Variants in ODAD2 observed in about 807,000 individuals in gnomAD.
The protein encoded by ODAD2 is outer dynein arm docking complex subunit 2.
ODAD2 carries 89 observed loss-of-function variants against 106.8 expected under a neutral mutation model. That is an observed-to-expected ratio of 0.83 (90% CI 0.70 to 0.99). The LOEUF is 0.99. Ranked by LOEUF, ODAD2 falls within the 50% of genes least tolerant of loss-of-function variation. The pLI, the probability that ODAD2 is intolerant of heterozygous loss-of-function variation, is 0.00. For synonymous variants in ODAD2, 404 were observed against 436.2 expected (o/e 0.93, Z 0.92); for missense variants, 1,168 against 1,238.5 (o/e 0.94, Z 0.85).
At chr10:27,912,583 T>C (rs1844086342) in intron 16 of ODAD2, among the ~76,000 whole-genome samples, 1 of 152,104 alleles carries the variant, frequency 6.6e-6, no homozygotes, top group Non-Finnish European at 1.5e-5. Flanking sequence ...GGCAAGGTTG[T>C]AGGGTTTCTT....
chr10:27,941,780 G>A (rs1254376803), intron 12 of ODAD2, among the ~76,000 whole-genome samples: 1 of 151,990 alleles, frequency 6.6e-6, no homozygotes, highest in Non-Finnish European at 1.5e-5. Context: ...TGGGGCTTGG[G>A]AGCCATCATC....
At chr10:27,965,240 G>A (rs1432092848) in intron 9 of ODAD2, among the ~76,000 whole-genome samples, 2 of 152,206 alleles carry the variant, frequency 1.3e-5, no homozygotes, top group Non-Finnish European at 1.5e-5. Flanking sequence ...GGTCTAATCT[G>A]AAGAGTAAGG....
intron 19 of ODAD2, among the ~76,000 whole-genome samples, chr10:27,853,912 A>C (rs992517777): frequency 2.0e-5 from 3 of 152,246 alleles, no homozygotes; most frequent in Non-Finnish European, 4.4e-5. Context: ...CACCAGCGTT[A>C]AAAACTTCTG....
chr10:27,819,622 G>C (rs904048155), intron 19 of ODAD2, among the ~76,000 whole-genome samples: 1 of 149,456 alleles, frequency 6.7e-6, no homozygotes. Context: ...CATAGGTGTG[G>C]TCACGTGCGC....
chr10:27,932,397 T>C (rs1227472745), intron 16 of ODAD2, among the ~76,000 whole-genome samples: 1 of 152,208 alleles, frequency 6.6e-6, no homozygotes, highest in Non-Finnish European at 1.5e-5. Flanking sequence ...CACCATCAAA[T>C]ATTAAAAATT....
chr10:27,867,348 T>C (rs1354457790), intron 17 of ODAD2, among the ~76,000 whole-genome samples: 1 of 152,162 alleles, frequency 6.6e-6, no homozygotes, highest in Non-Finnish European at 1.5e-5. Context: ...AGTCTGATGG[T>C]GCTGGGGTGT....
chr10:27,907,660 T>C lies in ODAD2; in HGVS notation c.2610+3A>G. ...AAGAGACTGACTTGCAGTCCGTTCT[T>C]ACCTTTGCATTTTTGATGCATGGAC... On this transcript the variant is annotated splice_donor_region_variant and intron_variant, in intron 17 of 19. Transcript: ENST00000305242. 1 of 1,609,194 alleles carries C rather than the reference T, an allele frequency of 6.2e-7. No homozygotes were observed. Among genetic ancestry groups the C allele is most frequent in the Non-Finnish European group, 8.5e-7 (1 of 1,175,708 alleles).
chr10:27,898,452 A>G (rs1164032346), intron 17 of ODAD2, among the ~76,000 whole-genome samples: 1 of 152,130 alleles, frequency 6.6e-6, no homozygotes, highest in African/African-American at 2.4e-5. Flanking sequence ...TTCTGAAGTC[A>G]GTTCTGCTAG....
At chr10:27,836,946 T>A (rs887246675) in intron 19 of ODAD2, among the ~76,000 whole-genome samples, 14 of 152,154 alleles carry the variant, frequency 9.2e-5, no homozygotes, top group Non-Finnish European at 1.2e-4. Flanking sequence ...AAGATATAAA[T>A]CAGGATTTTC....
At position 27,931,959 on chromosome 10, in the gene ODAD2, A is replaced by G. The variant is rs115105495; in HGVS notation, c.2495+3051T>C. 3.6e-3 allele frequency among the ~76,000 whole-genome samples: 555 copies of G among 152,080 alleles called. 6 individuals are homozygous for G. The highest frequency in any genetic ancestry group is 0.012 in the African/African-American group (518 of 41,476). On this transcript the variant is annotated intron_variant, in intron 16 of 19. Transcript: ENST00000305242. ...AAAGTGCATTTAATATACCTAACCT[A>G]CTGAACATCATAGCTTAGACTAGCC... is the stretch of plus-strand genomic sequence containing the variant.
chr10:27,922,198 GAA>G (rs892266756), intron 16 of ODAD2, among the ~76,000 whole-genome samples: 17 of 148,256 alleles, frequency 1.1e-4, no homozygotes, highest in Admixed American at 1.1e-3. Flanking sequence ...AAGAAAAAAA[GAA>G]AAGAAAACAA....
rs142857852 is a variant in ODAD2, at chr10:27,895,111, T to A, written c.2610+12552A>T. Among the ~76,000 whole-genome samples, 702 of 152,118 alleles carry A rather than the reference T, an allele frequency of 4.6e-3. 4 individuals are homozygous for A. Among genetic ancestry groups the A allele is most frequent in the African/African-American group, 0.01 (415 of 41,492 alleles). ...GTGCTAAAATTACAGGTGATTTTTT[T>A]AATTTGCTTTTCTTTAGTTTCTAAA... On this transcript the variant is annotated intron_variant, in intron 17 of 19. Transcript: ENST00000305242.
intron 7 of ODAD2, among the ~76,000 whole-genome samples, chr10:27,980,334 T>C (rs1443648070): frequency 4.6e-5 from 7 of 152,094 alleles, no homozygotes; most frequent in African/African-American, 1.7e-4. Flanking sequence ...AATAGGTAAA[T>C]TAGGCTTCGT....
At chr10:27,907,129 A>C (rs1471287123) in intron 17 of ODAD2, among the ~76,000 whole-genome samples, 1 of 152,232 alleles carries the variant, frequency 6.6e-6, no homozygotes, top group Non-Finnish European at 1.5e-5. Context: ...CTTCAAAGAA[A>C]ATAACAAAAT....
At chr10:27,963,602 T>C (rs2132876587) in intron 9 of ODAD2, among the ~76,000 whole-genome samples, 1 of 152,316 alleles carries the variant, frequency 6.6e-6, no homozygotes, top group African/African-American at 2.4e-5. Flanking sequence ...TTCCCCCCAC[T>C]GGACTTAACT....
chr10:27,998,287 A>G (rs1850674946), intron 1 of ODAD2, among the ~76,000 whole-genome samples: 1 of 152,198 alleles, frequency 6.6e-6, no homozygotes, highest in Admixed American at 6.5e-5. Flanking sequence ...ACAGGGCCCT[A>G]AGTAAAACCA....
intron 14 of ODAD2, among the ~76,000 whole-genome samples, chr10:27,939,605 G>A (rs561021713): frequency 4.1e-4 from 63 of 152,098 alleles, no homozygotes; most frequent in Admixed American, 2.1e-3. Context: ...AGGCATGGTG[G>A]TAAACACCTG....
In ODAD2 at chr10:27,995,024, C is replaced by T. The variant is rs1323499952; in HGVS notation, c.119G>A (p.Ser40Asn). The part of the protein sequence containing the change: ...ILKEIIVFVE[S>N]FIYKHPQEAK... ...CTCTTGAGGATGTTTATAGATAAAA[C>T]TCTCCACAAACACAATAATTTCTTT... Residue 40 changes from serine (S) to asparagine (N), a missense_variant, in exon 2 of 20, where the codon AGT becomes AAT. Physicochemically the swap from Ser to Asn is conservative, Grantham distance 46. This residue lies in a region of ODAD2 where 430 missense variants were observed against 452.2 expected (regional missense o/e 0.95). Coordinates refer to ENST00000305242, the MANE Select transcript of ODAD2 (RefSeq NM_018076.5). The T allele has an allele frequency of 6.2e-7, 1 of 1,614,148 alleles. No individual in the cohort carries two copies. Among genetic ancestry groups the T allele is most frequent in the Non-Finnish European group, 8.5e-7 (1 of 1,180,016 alleles).
At chr10:27,970,057 G>C (rs1322387475) in intron 8 of ODAD2, among the ~76,000 whole-genome samples, 1 of 151,878 alleles carries the variant, frequency 6.6e-6, no homozygotes, top group Non-Finnish European at 1.5e-5. Context: ...AGTGAGCCAA[G>C]TTTGTGCCAC....
Sources: gnomAD v4.1 joint callset for allele counts (sites outside exome capture counted in the v4.1 genomes callset) on GRCh38, gnomAD v4.1.1 for gene constraint, gnomAD v4.1.1 regional missense constraint, MANE v1.5 for transcripts, NCBI Gene and HGNC (gene_info 2026-07-23, HGNC 2026-07-21) for gene names.